Variants in SRPK2 observed in about 807,000 individuals in gnomAD.
SRPK2 encodes the protein SFRS protein kinase 2.
SRPK2 carries 21 observed loss-of-function variants against 90.8 expected under a neutral mutation model. The observed-to-expected ratio is 0.23, with a 90% CI of 0.16 to 0.33. The LOEUF (loss-of-function observed/expected upper bound fraction) is 0.33, where lower values mean the gene tolerates loss of function less well. Among genes scored for constraint, SRPK2 ranks in the 10% least tolerant of loss-of-function variants. SRPK2 has a pLI of 1.00. For synonymous variants in SRPK2, 288 were observed against 311.1 expected (o/e 0.93, Z 0.78); for missense variants, 620 against 869.0 (o/e 0.71, Z 3.60).
chr7:105,271,090 T>C (rs968805616), intron 2 of SRPK2, among the ~76,000 whole-genome samples: 1 of 152,186 alleles, frequency 6.6e-6, no homozygotes, highest in East Asian at 1.9e-4. Flanking sequence ...TCCTAGAGAA[T>C]TGTGCTCCAT....
At chr7:105,218,415 G>A (rs78169386) in intron 2 of SRPK2, among the ~76,000 whole-genome samples, 2,636 of 152,264 alleles carry the variant, frequency 0.017, 82 homozygotes, top group African/African-American at 0.06. Flanking sequence ...GTCACCAGGT[G>A]ACTGATACAC....
chr7:105,274,253 CCTCT>C (rs564749123), intron 2 of SRPK2, among the ~76,000 whole-genome samples: 1 of 151,096 alleles, frequency 6.6e-6, no homozygotes, highest in African/African-American at 2.4e-5. Flanking sequence ...CAATAAATTC[CCTCT>C]CTCTCTCTCT....
At chr7:105,212,095 G>A (rs931870981) in intron 2 of SRPK2, among the ~76,000 whole-genome samples, 1 of 152,038 alleles carries the variant, frequency 6.6e-6, no homozygotes, top group Non-Finnish European at 1.5e-5. Flanking sequence ...GCAAACCTCT[G>A]GTTCTAAAAT....
At chr7:105,251,498 C>A (rs1802476314) in intron 2 of SRPK2, among the ~76,000 whole-genome samples, 1 of 152,106 alleles carries the variant, frequency 6.6e-6, no homozygotes, top group Admixed American at 6.5e-5. Context: ...GCCACTGTAC[C>A]CTGCCACAAG....
intron 7 of SRPK2, among the ~76,000 whole-genome samples, chr7:105,158,177 G>C (rs1024993831): frequency 6.6e-6 from 1 of 152,124 alleles, no homozygotes; most frequent in Non-Finnish European, 1.5e-5. Context: ...TCAACTTACA[G>C]ACTCCTTCAA....
At chr7:105,276,854 T>C (rs1159868101) in intron 2 of SRPK2, among the ~76,000 whole-genome samples, 1 of 152,166 alleles carries the variant, frequency 6.6e-6, no homozygotes, top group Non-Finnish European at 1.5e-5. Flanking sequence ...ACACGCTTCT[T>C]CAGAAGTCAG....
chr7:105,338,621 C>T (rs748602595), intron 2 of SRPK2, among the ~76,000 whole-genome samples: 1 of 152,164 alleles, frequency 6.6e-6, no homozygotes, highest in African/African-American at 2.4e-5. Context: ...ACCTTAAAGG[C>T]TAGTATTCTG....
intron 2 of SRPK2, among the ~76,000 whole-genome samples, chr7:105,288,845 G>A (rs974499812): frequency 5.9e-5 from 9 of 152,136 alleles, no homozygotes; most frequent in African/African-American, 1.7e-4. Context: ...GGAGCCAAAT[G>A]TCTAGACACT....
At chr7:105,252,281 C>T (rs1802578338) in intron 2 of SRPK2, among the ~76,000 whole-genome samples, 1 of 151,800 alleles carries the variant, frequency 6.6e-6, no homozygotes, top group Admixed American at 6.6e-5. Context: ...ATAATACTGT[C>T]AGGATAGAAA....
chr7:105,191,219 CA>C (rs1374573412), intron 3 of SRPK2, among the ~76,000 whole-genome samples: 2 of 152,076 alleles, frequency 1.3e-5, no homozygotes, highest in Non-Finnish European at 2.9e-5. Flanking sequence ...ATATCCAATG[CA>C]AAAAAGAAAT....
At chr7:105,382,614 A>C (rs939892702) in intron 2 of SRPK2, among the ~76,000 whole-genome samples, 4 of 151,522 alleles carry the variant, frequency 2.6e-5, no homozygotes, top group African/African-American at 9.7e-5. Flanking sequence ...AACATGGATG[A>C]ATCTCAAGGG....
intron 2 of SRPK2, among the ~76,000 whole-genome samples, chr7:105,220,743 C>A (rs1172197187): frequency 6.6e-6 from 1 of 152,122 alleles, no homozygotes; most frequent in African/African-American, 2.4e-5. Context: ...CTAAGACTCA[C>A]TTTAACCATT....
chr7:105,316,588 T>G (rs1812334967), intron 2 of SRPK2, among the ~76,000 whole-genome samples: 1 of 152,234 alleles, frequency 6.6e-6, no homozygotes, highest in African/African-American at 2.4e-5. Flanking sequence ...GATAAACAGT[T>G]TATCTGCTGT....
rs536045608 is a variant in SRPK2 at position 105,213,018 on chromosome 7, G to C, written c.72-9233C>G. On this transcript the variant is annotated intron_variant, in intron 2 of 15. Coordinates refer to ENST00000393651, the MANE Select transcript of SRPK2 (RefSeq NM_182692.3). ...AAAGTATATAGGAGCATGTGCACAGGTGACATGCAAATACTAAACCATTTT... is the reference window on the plus strand; with the variant it reads ...AAAGTATATAGGAGCATGTGCACAGCTGACATGCAAATACTAAACCATTTT... Among the ~76,000 whole-genome samples, 3 of 152,252 alleles carry C rather than the reference G, an allele frequency of 2.0e-5. No homozygotes were observed. In the East Asian group the frequency reaches 5.8e-4, roughly 29 times the overall value.
At chr7:105,385,699 T>C (rs1433290543) in intron 2 of SRPK2, among the ~76,000 whole-genome samples, 2 of 152,190 alleles carry the variant, frequency 1.3e-5, no homozygotes, top group African/African-American at 4.8e-5. Context: ...CCAAATGCCA[T>C]TTCTCAGAGA....
rs190502174 is a variant in SRPK2 at position 105,364,400 on chromosome 7, G to A, written c.71+24248C>T. ...AAAGCCTTTCCATAGCATACCGTGT[G>A]TAACGTTTTTTTTTTTTTGAGAAGG... On this transcript the variant is annotated intron_variant, in intron 2 of 15. Coordinates refer to ENST00000393651, the MANE Select transcript of SRPK2 (RefSeq NM_182692.3). Among the ~76,000 whole-genome samples, 80 of 121,530 alleles carry A rather than the reference G, an allele frequency of 6.6e-4. 1 individual carries two copies. In the East Asian group the frequency reaches 0.04, roughly 60 times the overall value. The allele number at this position is 121,530 out of a possible 152,430, so 79.7% of individuals were successfully genotyped here. A position where few individuals can be genotyped will look rare whatever the true frequency, so the allele number is the denominator to read the frequency against.
chr7:105,235,363 G>T (rs1377230559), intron 2 of SRPK2, among the ~76,000 whole-genome samples: 1 of 152,162 alleles, frequency 6.6e-6, no homozygotes, highest in Non-Finnish European at 1.5e-5. Flanking sequence ...TTTATCACAT[G>T]CACCTTTACC....
intron 2 of SRPK2, among the ~76,000 whole-genome samples, chr7:105,370,051 A>ACAACAACAC (rs1563298619): frequency 6.6e-6 from 1 of 151,562 alleles, no homozygotes; most frequent in Non-Finnish European, 1.5e-5. Context: ...AACAACAACA[A>ACAACAACAC]AAGTGACCAA....
At chr7:105,333,841 C>T (rs1349989955) in intron 2 of SRPK2, among the ~76,000 whole-genome samples, 2 of 152,104 alleles carry the variant, frequency 1.3e-5, no homozygotes, top group Non-Finnish European at 1.5e-5. Context: ...TATATTTATA[C>T]CATTATAACA....
Sources: gnomAD v4.1 joint callset for allele counts (sites outside exome capture counted in the v4.1 genomes callset) on GRCh38, gnomAD v4.1.1 for gene constraint, MANE v1.5 for transcripts, NCBI Gene and HGNC (gene_info 2026-07-23, HGNC 2026-07-21) for gene names.